CD2AP: variants seen among roughly 807,000 people sequenced by gnomAD.
CD2AP encodes the protein CD2-associated protein.
CD2AP carries 46 observed loss-of-function variants against 85.1 expected under a neutral mutation model. The observed-to-expected ratio is 0.54, with a 90% CI of 0.43 to 0.69. CD2AP has a LOEUF of 0.69. CD2AP is among the 30% of genes least tolerant of loss of function. The probability of loss-of-function intolerance (pLI) is 0.00; values close to 1 mark genes in which losing one functional copy is unlikely to be tolerated. For missense variants in CD2AP, 769 were observed against 729.5 expected, an observed-to-expected ratio of 1.05 and a Z score of -0.62; for synonymous variants, 255 against 252.9, an observed-to-expected ratio of 1.01 and a Z score of -0.08.
chr6:47,596,542 T>C (rs1768953531), intron 12 of CD2AP, among the ~76,000 whole-genome samples: 1 of 152,118 alleles, frequency 6.6e-6, no homozygotes, highest in Non-Finnish European at 1.5e-5. Flanking sequence ...GCCTGGCTTA[T>C]TTGACTTAAC....
At chr6:47,544,375 T>A (rs1260385829) in intron 3 of CD2AP, among the ~76,000 whole-genome samples, 1 of 152,114 alleles carries the variant, frequency 6.6e-6, no homozygotes, top group African/African-American at 2.4e-5. Context: ...TTTGTGTAAA[T>A]GGTGGGATAA....
intron 6 of CD2AP, among the ~76,000 whole-genome samples, chr6:47,574,696 C>CAT (rs1768255561): frequency 6.6e-6 from 1 of 151,256 alleles, no homozygotes; most frequent in South Asian, 2.1e-4. Flanking sequence ...CTTAAATTTC[C>CAT]TCTAGATTGT....
chr6:47,627,090 A>G lies in CD2AP; in HGVS notation c.*2863A>G, dbSNP rs1383502012. Reference sequence around the variant, plus strand: ...AACTTGTTTACAGGTGCTGTATTTAAAAGCATGCTTCTCTCTCAAAAAGAA... The same window carrying G: ...AACTTGTTTACAGGTGCTGTATTTAGAAGCATGCTTCTCTCTCAAAAAGAA... On this transcript the variant is annotated 3_prime_UTR_variant, in exon 18 of 18. Transcript: ENST00000359314. The G allele has an allele frequency of 1.3e-5, 2 of 152,468 alleles. No homozygotes were observed. Among genetic ancestry groups the G allele is most frequent in the Admixed American group, 6.6e-5 (1 of 15,256 alleles). 9.4% of individuals were successfully genotyped at this position (152,468 alleles called of 1,614,324 possible).
chr6:47,543,656 T>C (rs1173955043), intron 3 of CD2AP, among the ~76,000 whole-genome samples: 1 of 152,220 alleles, frequency 6.6e-6, no homozygotes, highest in African/African-American at 2.4e-5. Flanking sequence ...GGCTGATGTC[T>C]CTTCCTCTTT....
intron 2 of CD2AP, among the ~76,000 whole-genome samples, chr6:47,509,377 C>T (rs1582494068): frequency 6.6e-6 from 1 of 151,524 alleles, no homozygotes; most frequent in African/African-American, 2.4e-5. Context: ...GAGCCCATGC[C>T]GTTGGAAAAA....
chr6:47,604,188 A>G (rs1485195531), intron 13 of CD2AP, among the ~76,000 whole-genome samples: 1 of 152,082 alleles, frequency 6.6e-6, no homozygotes, highest in Non-Finnish European at 1.5e-5. Flanking sequence ...AAGCTAAATG[A>G]TTGTCGTGCC....
chr6:47,568,171 A>T (rs974711166), intron 5 of CD2AP, among the ~76,000 whole-genome samples: 2 of 152,312 alleles, frequency 1.3e-5, no homozygotes, highest in East Asian at 3.9e-4. Flanking sequence ...GAGATAGGAT[A>T]TTGGGAGATG....
Position 47,571,586 on chromosome 6 carries a change from G to A in CD2AP, c.542-2478G>A, listed in dbSNP as rs571680914. 3.9e-4 allele frequency among the ~76,000 whole-genome samples: 59 copies of A among 152,282 alleles called. No homozygotes were observed. In the South Asian group the frequency reaches 0.012, roughly 30 times the overall value. On this transcript the variant is annotated intron_variant, in intron 5 of 17. Coordinates refer to ENST00000359314, the MANE Select transcript of CD2AP (RefSeq NM_012120.3). ...CTGAAGTGAGAACTATATGTAGAGA[G>A]CGCACCAGAACTGTTCTTGGGTGTT...
At chr6:47,555,481 A>G (rs1767655943) in intron 5 of CD2AP, among the ~76,000 whole-genome samples, 1 of 152,194 alleles carries the variant, frequency 6.6e-6, no homozygotes, top group African/African-American at 2.4e-5. Context: ...ATTATTTGGC[A>G]ATTTTATGAT....
Position 47,599,305 on chromosome 6 carries a change from A to T in CD2AP, c.1279A>T (p.Asn427Tyr), listed in dbSNP as rs1353017712. Reference sequence around the variant, plus strand: ...CGTGTTTTTTTCTTATTTCAGGATTAATGGGGAAGTTTCTAGCATTTCATC... The same window carrying T: ...CGTGTTTTTTTCTTATTTCAGGATTTATGGGGAAGTTTCTAGCATTTCATC... ...VPPPPPIAKINGEVSSISSKF... is the reference protein window; with the variant it reads ...VPPPPPIAKIYGEVSSISSKF... The change falls in exon 13 of 18, where the codon AAT becomes TAT. Residue 427 changes from asparagine to tyrosine, a missense_variant. By Grantham distance (143) the Asn-to-Tyr change is moderately radical. Coordinates refer to ENST00000359314, the MANE Select transcript of CD2AP (RefSeq NM_012120.3). 1.2e-6 allele frequency: 2 copies of T among 1,611,586 alleles called. No homozygotes were observed. The highest frequency in any genetic ancestry group is 1.7e-6 in the Non-Finnish European group (2 of 1,178,500).
At chr6:47,594,685 G>A (rs772525144) in intron 11 of CD2AP, among the ~76,000 whole-genome samples, 29 of 151,880 alleles carry the variant, frequency 1.9e-4, no homozygotes, top group Non-Finnish European at 3.8e-4. Context: ...ATTATATATA[G>A]TACATTGTTA....
At chr6:47,581,925 C>CT (rs1481769327) in intron 10 of CD2AP, 78 bp from the exon 11 acceptor site, 8 of 916,744 alleles carry the variant, frequency 8.7e-6, no homozygotes, top group Non-Finnish European at 1.5e-5. Flanking sequence ...TTCAACTCAT[C>CT]TTTACTTTTT....
intron 2 of CD2AP, among the ~76,000 whole-genome samples, chr6:47,531,635 G>A (rs1214217149): frequency 6.6e-6 from 1 of 151,650 alleles, no homozygotes; most frequent in Non-Finnish European, 1.5e-5. Context: ...GAAATGATAG[G>A]TTACCAGTAC....
At chr6:47,592,981 G>C (rs1003217649) in intron 11 of CD2AP, among the ~76,000 whole-genome samples, 7 of 152,084 alleles carry the variant, frequency 4.6e-5, no homozygotes, top group African/African-American at 1.4e-4. Flanking sequence ...AAGTACGAGA[G>C]GACAGGACTT....
intron 2 of CD2AP, among the ~76,000 whole-genome samples, chr6:47,516,702 A>AT (rs913553997): frequency 7.3e-4 from 110 of 150,898 alleles, no homozygotes; most frequent in African/African-American, 2.4e-3. Context: ...TATACTTCCC[A>AT]TTTTTTTTTC....
chr6:47,523,920 G>C (rs1366426365), intron 2 of CD2AP, among the ~76,000 whole-genome samples: 4 of 152,126 alleles, frequency 2.6e-5, no homozygotes, highest in Non-Finnish European at 5.9e-5. Context: ...ATTGTGAAAA[G>C]TACCTTTCTT....
chr6:47,512,173 A>G (rs1562010200), intron 2 of CD2AP, among the ~76,000 whole-genome samples: 1 of 151,204 alleles, frequency 6.6e-6, no homozygotes, highest in Admixed American at 6.6e-5. Flanking sequence ...AAAAATATAT[A>G]TAAAATAAAA....
At chr6:47,609,530 A>AGC (rs1562055744) in intron 16 of CD2AP, 1 of 323,410 alleles carries the variant, frequency 3.1e-6, no homozygotes, top group Non-Finnish European at 5.6e-6. Flanking sequence ...AAAAAAAAAA[A>AGC]AGAAAAGAAA....
In CD2AP at chr6:47,610,972, T is replaced by TATA. The variant is rs1491427733; in HGVS notation, c.1815-1501_1815-1500insATA. On this transcript the variant is annotated intron_variant, in intron 16 of 17. Coordinates refer to ENST00000359314, the MANE Select transcript of CD2AP (RefSeq NM_012120.3). ...ATTTATATATATATATATATATGTA[T>TATA]TTTTTTTTTTTTTTGAATATAAAAC... 5.6e-3 allele frequency among the ~76,000 whole-genome samples: 318 copies of TATA among 56,322 alleles called. 2 individuals carry two copies. Among genetic ancestry groups the TATA allele is most frequent in the African/African-American group, 0.016 (192 of 12,102 alleles). The allele number at this position is 56,322 out of a possible 152,430, so 36.9% of individuals were successfully genotyped here. A position where few individuals can be genotyped will look rare whatever the true frequency, so the allele number is the denominator to read the frequency against.
Sources: allele counts gnomAD v4.1 joint callset (sites outside exome capture counted in the v4.1 genomes callset), GRCh38; gene constraint gnomAD v4.1.1; transcripts MANE v1.5; gene names NCBI Gene and HGNC (gene_info 2026-07-23, HGNC 2026-07-21).